GABPB1: variants seen among roughly 807,000 people sequenced by gnomAD.
GABPB1 encodes GA-binding protein subunit beta-1.
A neutral mutation model predicts 45.9 loss-of-function variants in GABPB1; 15 were observed. The ratio of observed to expected loss-of-function variants is 0.33; its 90% CI spans 0.22 to 0.50. The LOEUF (loss-of-function observed/expected upper bound fraction) is 0.50. Among genes scored for constraint, GABPB1 ranks in the 20% least tolerant of loss-of-function variants. The pLI is 0.98. For missense variants in GABPB1, 252 were observed against 457.5 expected, an observed-to-expected ratio of 0.55 and a Z score of 4.10; for synonymous variants, 143 against 154.4, an observed-to-expected ratio of 0.93 and a Z score of 0.55.
intron 8 of GABPB1, among the ~76,000 whole-genome samples, chr15:50,279,231 G>A (rs952727517): frequency 6.6e-6 from 1 of 152,066 alleles, no homozygotes; most frequent in Non-Finnish European, 1.5e-5. Context: ...CCAACAATAA[G>A]CATCTAAGAC....
intron 5 of GABPB1, 120 bp downstream of exon 5, chr15:50,301,137 C>T (rs1394677956): frequency 2.9e-6 from 4 of 1,368,646 alleles, no homozygotes; most frequent in Non-Finnish European, 4.0e-6. Context: ...ATCTTACCCT[C>T]ATTCTCCAAC....
chr15:50,325,477 GTTCACTATAT>G (rs1319843658), intron 1 of GABPB1, among the ~76,000 whole-genome samples: 1 of 151,808 alleles, frequency 6.6e-6, no homozygotes, highest in Admixed American at 6.6e-5. Context: ...ATCATCTGTG[GTTCACTATAT>G]TTCTACTGGA....
intron 8 of GABPB1, 113 bp downstream of exon 8, chr15:50,285,955 G>A (rs1257728413): frequency 6.9e-6 from 10 of 1,454,542 alleles, no homozygotes; most frequent in South Asian, 1.6e-5. Flanking sequence ...AAAATACTAC[G>A]CACTTTCATT....
At chr15:50,344,507 G>A (rs2048492477) in intron 1 of GABPB1, among the ~76,000 whole-genome samples, 1 of 152,160 alleles carries the variant, frequency 6.6e-6, no homozygotes, top group African/African-American at 2.4e-5. Context: ...AAGTTTAAAG[G>A]AAGCAAATAA....
chr15:50,304,087 G>A lies in GABPB1; in HGVS notation c.155C>T (p.Ser52Phe). The A allele has an allele frequency of 6.2e-7, 1 of 1,612,326 alleles. No homozygotes were observed. The highest frequency in any genetic ancestry group is 8.5e-7 in the Non-Finnish European group (1 of 1,179,320). Reference sequence around the variant, plus strand: ...AGCTCGCAGCAGTACCTCTGTGGTGGAATAATGACCATACTGTGCTGCTAG... The same window carrying A: ...AGCTCGCAGCAGTACCTCTGTGGTGAAATAATGACCATACTGTGCTGCTAG... ...LHLAAQYGHY[S>F]TTEVLLRAGV... The change falls in exon 3 of 9, where the codon TCC becomes TTC. Residue 52 changes from serine (S) to phenylalanine (F), a missense_variant. By Grantham distance (155) the Ser-to-Phe change is radical (BLOSUM62 -2). Around this residue, in one of 4 missense-constraint regions of GABPB1, gnomAD observed 35 missense variants for 143.7 expected, o/e 0.24. Transcript: ENST00000380877.
intron 1 of GABPB1, among the ~76,000 whole-genome samples, chr15:50,338,757 A>AC (rs2048236109): frequency 6.6e-6 from 1 of 152,252 alleles, no homozygotes; most frequent in Non-Finnish European, 1.5e-5. Context: ...GGCGTGAGCC[A>AC]CCACACCCGG....
intron 1 of GABPB1, among the ~76,000 whole-genome samples, chr15:50,340,910 A>T (rs944336906): frequency 1.8e-5 from 1 of 55,446 alleles, no homozygotes; most frequent in Admixed American, 2.0e-4. Flanking sequence ...GTTTATTACC[A>T]TATGTAATAT....
chr15:50,283,615 A>C (rs113507320), intron 8 of GABPB1, among the ~76,000 whole-genome samples: 42,784 of 151,594 alleles, frequency 0.28, 7,487 homozygotes, highest in Middle Eastern at 0.42. Flanking sequence ...GGTTCAAGCA[A>C]CTCTCCTGCC....
chr15:50,337,114 TATATATATATATATAA>T (rs1417496323), intron 1 of GABPB1, among the ~76,000 whole-genome samples: 1 of 7,276 alleles, frequency 1.4e-4, no homozygotes, highest in Non-Finnish European at 2.1e-4. Flanking sequence ...TATATATATA[TATATATATATATATAA>T]TATGAAGAGG....
At chr15:50,289,767 C>CATTTCTT in intron 6 of GABPB1, 99 bp from the exon 7 acceptor site, 1 of 701,838 alleles carries the variant, frequency 1.4e-6, no homozygotes, top group Non-Finnish European at 2.2e-6. Flanking sequence ...ATGCTTCTTT[C>CATTTCTT]TTTTCTTTTT....
At chr15:50,352,747 T>C (rs1458906724) in intron 1 of GABPB1, 3 of 152,254 alleles carry the variant, frequency 2.0e-5, no homozygotes, top group African/African-American at 7.2e-5. Flanking sequence ...ATGCTTCCTG[T>C]TGATGGAACA....
intron 1 of GABPB1, among the ~76,000 whole-genome samples, chr15:50,310,051 T>C (rs2047077787): frequency 6.6e-6 from 1 of 152,232 alleles, no homozygotes. Context: ...TGGTAAAAGA[T>C]AGAAGAGGTA....
At chr15:50,335,623 G>A (rs967856563) in intron 1 of GABPB1, among the ~76,000 whole-genome samples, 1 of 152,058 alleles carries the variant, frequency 6.6e-6, no homozygotes, top group African/African-American at 2.4e-5. Flanking sequence ...GGTCGGCCGG[G>A]TGCAGTGGCT....
At chr15:50,336,155 A>G (rs944732247) in intron 1 of GABPB1, among the ~76,000 whole-genome samples, 3 of 151,606 alleles carry the variant, frequency 2.0e-5, no homozygotes, top group Non-Finnish European at 4.4e-5. Flanking sequence ...GCTCAAGACA[A>G]GTCTGGCCAA....
chr15:50,301,373 G>A lies in GABPB1; in HGVS notation c.472-5C>T. On this transcript the variant is annotated splice_region_variant and splice_polypyrimidine_tract_variant and intron_variant, in intron 4 of 8. Transcript: ENST00000380877. ...GATTTGGTTCTGCATAGCAATCTAG[G>A]GAAAAAATGACCACAGTGTTTTCAG... 1.9e-6 allele frequency: 3 copies of A among 1,597,580 alleles called. No homozygotes were observed. The highest frequency in any genetic ancestry group is 1.1e-5 in the South Asian group (1 of 88,650).
rs2048155021 is a variant in GABPB1 at position 50,337,049 on chromosome 15, A to G, written c.-1+17936T>C. 2.5e-5 allele frequency among the ~76,000 whole-genome samples: 3 copies of G among 119,852 alleles called. No individual in the cohort carries two copies. In the South Asian group the frequency reaches 8.1e-4, roughly 32 times the overall value. The allele number at this position is 119,852 out of a possible 152,430, so 78.6% of individuals were successfully genotyped here. On this transcript the variant is annotated intron_variant, in intron 1 of 8. Transcript: ENST00000380877. ...AAAAGAGTGAGACCTTGCCTCAAAA[A>G]GAAAAAATTACATGTATATGTGTGT... is the stretch of plus-strand genomic sequence containing the variant.
intron 1 of GABPB1, chr15:50,352,395 C>T (rs1189717520): frequency 6.6e-6 from 1 of 150,690 alleles, no homozygotes; most frequent in Non-Finnish European, 1.5e-5. Context: ...AATGCAATGG[C>T]GCTATCTTGG....
chr15:50,354,763 C>T (rs935207982), intron 1 of GABPB1: 2 of 259,458 alleles, frequency 7.7e-6, no homozygotes, highest in Admixed American at 6.3e-5. Flanking sequence ...GCAGTGTGCC[C>T]AGCGGACAAA....
At chr15:50,321,154 C>T (rs753748538) in intron 1 of GABPB1, among the ~76,000 whole-genome samples, 8 of 152,266 alleles carry the variant, frequency 5.3e-5, no homozygotes, top group Non-Finnish European at 1.0e-4. Flanking sequence ...CTGCAATACA[C>T]ACGAGTTAGC....
Sources: allele counts gnomAD v4.1 joint callset (sites outside exome capture counted in the v4.1 genomes callset), GRCh38; gene constraint gnomAD v4.1.1; regional missense constraint gnomAD v4.1.1; transcripts MANE v1.5; gene names NCBI Gene and HGNC (gene_info 2026-07-23, HGNC 2026-07-21).